AGPAT4: variants seen among roughly 807,000 people sequenced by gnomAD.
AGPAT4 encodes 1-acylglycerol-3-phosphate O-acyltransferase 4.
AGPAT4 carries 15 observed loss-of-function variants against 48.0 expected under a neutral mutation model. That is an observed-to-expected ratio of 0.31 (90% CI 0.21 to 0.48). AGPAT4 has a LOEUF of 0.48. Ranked by LOEUF, AGPAT4 falls within the 20% of genes least tolerant of loss-of-function variation. The probability of loss-of-function intolerance (pLI) is 0.99; values close to 1 mark genes in which losing one functional copy is unlikely to be tolerated. For synonymous variants in AGPAT4, 178 were observed against 198.7 expected, an observed-to-expected ratio of 0.90 and a Z score of 0.88; for missense variants, 314 against 482.5, an observed-to-expected ratio of 0.65 and a Z score of 3.27.
Position 161,231,888 on chromosome 6 carries a change from C to A in AGPAT4, c.178+148G>T, listed in dbSNP as rs565220879. On this transcript the variant is annotated intron_variant, in intron 2 of 8. Coordinates refer to ENST00000320285, the MANE Select transcript of AGPAT4 (RefSeq NM_020133.3). The surrounding 1 kb of genome is among the most constrained non-coding windows in gnomAD (Gnocchi z 5.3). ...AAAAATAATTTTGGGGGATTGAGAA[C>A]AAAATAGCCATTTCAAACCTAAAAC... The A allele has an allele frequency of 1.4e-5, 11 of 762,724 alleles. No homozygotes were observed. Among genetic ancestry groups the A allele is most frequent in the South Asian group, 9.4e-5 (4 of 42,642 alleles). 47.2% of individuals were successfully genotyped at this position (762,724 alleles called of 1,614,324 possible).
chr6:161,262,483 T>TC lies in AGPAT4; in HGVS notation c.-90+11454dup, dbSNP rs543137583. On this transcript the variant is annotated intron_variant, in intron 1 of 8. Transcript: ENST00000320285. This position sits in a 1 kb window ranked among gnomAD's most constrained non-coding sequence, Gnocchi z 4.9. The stretch of plus-strand genomic sequence containing the variant: ...TATACTAGCTCATTCCTTTTTTTTT[T>TC]CCCCCTCCTCATTATTCTCTCATAG... Among the ~76,000 whole-genome samples the TC allele has an allele frequency of 7.9e-5, 12 of 152,080 alleles. No individual in the cohort carries two copies. The South Asian group carries it at 1.0e-3, about 13-fold the overall frequency.
rs1242380465 is a variant in AGPAT4, at chr6:161,229,130, C to T, written c.178+2906G>A. On this transcript the variant is annotated intron_variant, in intron 2 of 8. Coordinates refer to ENST00000320285, the MANE Select transcript of AGPAT4 (RefSeq NM_020133.3). The surrounding 1 kb of genome is among the most constrained non-coding windows in gnomAD (Gnocchi z 6.0). ...TGAACTTACTTGGTAACACACCAAG[C>T]TCTTAACAAATATTTAATGAGAAAA... Among the ~76,000 whole-genome samples, 1 of 152,064 alleles carries T rather than the reference C, an allele frequency of 6.6e-6. No homozygotes were observed. Among genetic ancestry groups the T allele is most frequent in the Non-Finnish European group, 1.5e-5 (1 of 68,022 alleles).
In AGPAT4 at chr6:161,171,679, G is replaced by T. The variant is rs1021905923; in HGVS notation, c.179-5262C>A. Among the ~76,000 whole-genome samples the T allele has an allele frequency of 6.6e-6, 1 of 151,876 alleles. No individual in the cohort carries two copies. Among genetic ancestry groups the T allele is most frequent in the African/African-American group, 2.4e-5 (1 of 41,300 alleles). On this transcript the variant is annotated intron_variant, in intron 2 of 8. Transcript: ENST00000320285. The surrounding 1 kb of genome is among the most constrained non-coding windows in gnomAD (Gnocchi z 4.4). The stretch of plus-strand genomic sequence containing the variant: ...CCAAGGCAGGCAGATCACAAGGTCA[G>T]GAGATCGAGACCATCCTGGCTAACA...
Position 161,234,647 on chromosome 6 carries a change from T to C in AGPAT4, c.-89-2345A>G, listed in dbSNP as rs1782220964. 6.6e-6 allele frequency among the ~76,000 whole-genome samples: 1 copy of C among 152,126 alleles called. No homozygotes were observed. Among genetic ancestry groups the C allele is most frequent in the Non-Finnish European group, 1.5e-5 (1 of 68,028 alleles). The stretch of plus-strand genomic sequence containing the variant: ...TTGAATATTCATGCAATTTGTTCAT[T>C]GTCCCCGGATTAGCCACTAATAGCG... On this transcript the variant is annotated intron_variant, in intron 1 of 8. Transcript: ENST00000320285. The surrounding 1 kb of genome is among the most constrained non-coding windows in gnomAD (Gnocchi z 4.4).
At chr6:161,248,224 T>A (rs1166173364) in intron 1 of AGPAT4, among the ~76,000 whole-genome samples, 2 of 151,618 alleles carry the variant, frequency 1.3e-5, no homozygotes, top group African/African-American at 4.9e-5. Context: ...ACACCAACAA[T>A]AGACAAGCCA....
chr6:161,133,729 C>T lies in AGPAT4; in HGVS notation c.*2811G>A, dbSNP rs529525407. The T allele has an allele frequency of 3.9e-5, 6 of 152,302 alleles. No individual in the cohort carries two copies. Among genetic ancestry groups the T allele is most frequent in the East Asian group, 1.9e-4 (1 of 5,184 alleles). The allele number at this position is 152,302 out of a possible 1,614,324, so 9.4% of individuals were successfully genotyped here. A position where few individuals can be genotyped will look rare whatever the true frequency, so the allele number is the denominator to read the frequency against. On this transcript the variant is annotated 3_prime_UTR_variant, in exon 9 of 9. Coordinates refer to ENST00000320285, the MANE Select transcript of AGPAT4 (RefSeq NM_020133.3). ...TGCTCTCCAGATTTCACTCAAGGTT[C>T]GTATTTTTCTCTGCCACCTTGAACT...
At position 161,142,778 on chromosome 6, in the gene AGPAT4, G is replaced by A. The variant is rs998558314; in HGVS notation, c.844-3158C>T. On this transcript the variant is annotated intron_variant, in intron 7 of 8. Coordinates refer to ENST00000320285, the MANE Select transcript of AGPAT4 (RefSeq NM_020133.3). This position sits in a 1 kb window ranked among gnomAD's most constrained non-coding sequence, Gnocchi z 6.4. Reference sequence around the variant, plus strand: ...GGGAGAGGCTCTGTGAGAAGCGCTCGCAAGCCTTGGTCTCAGCCCGCAGAC... The same window carrying A: ...GGGAGAGGCTCTGTGAGAAGCGCTCACAAGCCTTGGTCTCAGCCCGCAGAC... Among the ~76,000 whole-genome samples the A allele has an allele frequency of 2.0e-5, 3 of 152,190 alleles. No homozygotes were observed. The highest frequency in any genetic ancestry group is 4.4e-5 in the Non-Finnish European group (3 of 68,030).
chr6:161,135,096 A>G lies in AGPAT4; in HGVS notation c.*1444T>C, dbSNP rs1779023487. 6.6e-6 allele frequency: 1 copy of G among 152,216 alleles called. No individual in the cohort carries two copies. Among genetic ancestry groups the G allele is most frequent in the South Asian group, 2.1e-4 (1 of 4,828 alleles). 9.4% of individuals were successfully genotyped at this position (152,216 alleles called of 1,614,324 possible). On this transcript the variant is annotated 3_prime_UTR_variant, in exon 9 of 9. Coordinates refer to ENST00000320285, the MANE Select transcript of AGPAT4 (RefSeq NM_020133.3). ...GGCTTACCTAGTTTGGTTGATAAACAATGACTAAATGAGCAAATAGCCAAA... is the reference window on the plus strand; with the variant it reads ...GGCTTACCTAGTTTGGTTGATAAACGATGACTAAATGAGCAAATAGCCAAA...
In AGPAT4 at chr6:161,149,634, C is replaced by T. The variant is rs1047247677; in HGVS notation, c.665-345G>A. Among the ~76,000 whole-genome samples, 3 of 152,068 alleles carry T rather than the reference C, an allele frequency of 2.0e-5. No individual in the cohort carries two copies. The highest frequency in any genetic ancestry group is 4.4e-5 in the Non-Finnish European group (3 of 68,012). ...TCGGCTCACTACAACCTCTGCCTCCCGGGTTCAAACAATTCTCCTGTCTCA... is the reference window on the plus strand; with the variant it reads ...TCGGCTCACTACAACCTCTGCCTCCTGGGTTCAAACAATTCTCCTGTCTCA... On this transcript the variant is annotated intron_variant, in intron 5 of 8. Transcript: ENST00000320285. This position sits in a 1 kb window ranked among gnomAD's most constrained non-coding sequence, Gnocchi z 6.5.
Position 161,146,276 on chromosome 6 carries a change from G to A in AGPAT4, c.843+248C>T, listed in dbSNP as rs530585147. Reference sequence around the variant, plus strand: ...GAGGCAGGAAAATACGAGCAGGGGCGATTGGGGCCATTACTTCTCCCTTGG... The same window carrying A: ...GAGGCAGGAAAATACGAGCAGGGGCAATTGGGGCCATTACTTCTCCCTTGG... On this transcript the variant is annotated intron_variant, in intron 7 of 8. Coordinates refer to ENST00000320285, the MANE Select transcript of AGPAT4 (RefSeq NM_020133.3). This position sits in a 1 kb window ranked among gnomAD's most constrained non-coding sequence, Gnocchi z 7.1. Among the ~76,000 whole-genome samples, 16 of 151,518 alleles carry A rather than the reference G, an allele frequency of 1.1e-4. No individual in the cohort carries two copies. The highest frequency in any genetic ancestry group is 4.4e-5 in the Non-Finnish European group (3 of 68,016).
At chr6:161,250,369 TTGAGA>T (rs1207586037) in intron 1 of AGPAT4, among the ~76,000 whole-genome samples, 1 of 152,214 alleles carries the variant, frequency 6.6e-6, no homozygotes, top group Non-Finnish European at 1.5e-5. Context: ...TATACAGTAG[TTGAGA>T]TTTTATTTTA....
intron 2 of AGPAT4, among the ~76,000 whole-genome samples, chr6:161,175,299 G>C (rs1302970400): frequency 3.3e-5 from 5 of 152,124 alleles, no homozygotes; most frequent in Non-Finnish European, 7.4e-5. Flanking sequence ...TGGTTGGTAG[G>C]CTATTAATTA....
In AGPAT4 at chr6:161,149,293, T is replaced by TA. The variant is rs1278695551; in HGVS notation, c.665-5dup. 2.5e-5 allele frequency: 40 copies of TA among 1,606,130 alleles called. No individual in the cohort carries two copies. Among genetic ancestry groups the TA allele is most frequent in the Non-Finnish European group, 3.2e-5 (38 of 1,178,738 alleles). ...GTACAGTCATATACAGCTGAAACTA[T>TA]AAAAAATAAAACAAATACAAAGCAG... is the stretch of plus-strand genomic sequence containing the variant. On this transcript the variant is annotated splice_region_variant and splice_polypyrimidine_tract_variant and intron_variant, in intron 5 of 8. Coordinates refer to ENST00000320285, the MANE Select transcript of AGPAT4 (RefSeq NM_020133.3). The surrounding 1 kb of genome is among the most constrained non-coding windows in gnomAD (Gnocchi z 6.5).
intron 2 of AGPAT4, among the ~76,000 whole-genome samples, chr6:161,230,451 G>C (rs17627837): frequency 0.19 from 29,246 of 152,186 alleles, 3,055 homozygotes; most frequent in Non-Finnish European, 0.23. Flanking sequence ...TGCTTAAATA[G>C]AGACCAACTG....
At chr6:161,239,216 C>T (rs887433592) in intron 1 of AGPAT4, among the ~76,000 whole-genome samples, 1 of 152,126 alleles carries the variant, frequency 6.6e-6, no homozygotes, top group East Asian at 1.9e-4. Flanking sequence ...CCATATGCTG[C>T]CCAGCCTATG....
At chr6:161,145,278 G>A (rs2114957406) in intron 7 of AGPAT4, among the ~76,000 whole-genome samples, 1 of 151,724 alleles carries the variant, frequency 6.6e-6, no homozygotes, top group South Asian at 2.1e-4. Context: ...CAGAATCACT[G>A]GGGTTCGGGC....
rs576886873 is a variant in AGPAT4, at chr6:161,225,992, G to A, written c.178+6044C>T. On this transcript the variant is annotated intron_variant, in intron 2 of 8. Transcript: ENST00000320285. This position sits in a 1 kb window ranked among gnomAD's most constrained non-coding sequence, Gnocchi z 5.0. ...CTGTTGTTCAGCTACTCTGAAGGGA[G>A]AGATGATCAGTTTTAGGATCATGTC... Among the ~76,000 whole-genome samples the A allele has an allele frequency of 1.2e-4, 19 of 152,266 alleles. No individual in the cohort carries two copies. Among genetic ancestry groups the A allele is most frequent in the African/African-American group, 4.3e-4 (18 of 41,558 alleles).
chr6:161,252,655 C>CAAA, intron 1 of AGPAT4, among the ~76,000 whole-genome samples: 1 of 26,646 alleles, frequency 3.8e-5, no homozygotes, highest in Admixed American at 3.3e-4. Flanking sequence ...ACAAAAAATA[C>CAAA]AAAAATAAGC....
At chr6:161,271,891 A>G (rs3798960) in intron 1 of AGPAT4, among the ~76,000 whole-genome samples, 78,956 of 152,038 alleles carry the variant, frequency 0.52, 22,511 homozygotes, top group African/African-American at 0.76. Context: ...CCATTTTCAG[A>G]CAGGAAAAAC....
Sources: allele counts gnomAD v4.1 joint callset (sites outside exome capture counted in the v4.1 genomes callset), GRCh38; gene constraint gnomAD v4.1.1; non-coding constraint Gnocchi (gnomAD v3.1); transcripts MANE v1.5; gene names NCBI Gene and HGNC (gene_info 2026-07-23, HGNC 2026-07-21).